Variants in CLDN10 observed in about 807,000 individuals in gnomAD.
CLDN10 encodes the protein claudin-10.
In CLDN10, 15 loss-of-function variants were observed where a neutral mutation model predicts 22.9. The observed-to-expected ratio is 0.65, with a 90% CI of 0.44 to 1.01. CLDN10 has a LOEUF of 1.01. Among genes scored for constraint, CLDN10 ranks in the 50% least tolerant of loss-of-function variants. The probability of loss-of-function intolerance (pLI) is 0.00; values close to 1 mark genes in which losing one functional copy is unlikely to be tolerated. For missense variants in CLDN10, 247 were observed against 287.8 expected (o/e 0.86, Z 1.03); for synonymous variants, 114 against 111.4 (o/e 1.02, Z -0.15).
At chr13:95,466,628 A>C (rs2042583461) in intron 1 of CLDN10, among the ~76,000 whole-genome samples, 1 of 152,198 alleles carries the variant, frequency 6.6e-6, no homozygotes, top group African/African-American at 2.4e-5. Flanking sequence ...AAAATCATAC[A>C]GCTTAGGAGG....
chr13:95,557,211 A>C (rs748237603), intron 1 of CLDN10, among the ~76,000 whole-genome samples: 9 of 152,250 alleles, frequency 5.9e-5, no homozygotes, highest in Non-Finnish European at 1.2e-4. Context: ...TAATGTGTTA[A>C]TTAGCTATTA....
At chr13:95,563,833 C>T (rs778171110) in intron 3 of CLDN10, among the ~76,000 whole-genome samples, 7 of 152,136 alleles carry the variant, frequency 4.6e-5, no homozygotes, top group South Asian at 4.2e-4. Flanking sequence ...ACTTGGTTTC[C>T]GTTTATCAAC....
intron 1 of CLDN10, among the ~76,000 whole-genome samples, chr13:95,512,284 G>T (rs1158625617): frequency 6.8e-6 from 1 of 146,322 alleles, no homozygotes. Context: ...TTGTTTGTTT[G>T]TGTTCTGTTT....
chr13:95,548,347 G>T, upstream of CLDN10, among the ~76,000 whole-genome samples: 1 of 152,156 alleles, frequency 6.6e-6, no homozygotes, highest in Non-Finnish European at 1.5e-5. Context: ...TGTTTCAAAT[G>T]AATGCATGAA....
chr13:95,507,866 A>G (rs947645678), intron 1 of CLDN10, among the ~76,000 whole-genome samples: 7 of 151,998 alleles, frequency 4.6e-5, no homozygotes, highest in African/African-American at 1.7e-4. Context: ...CAAGTGATCC[A>G]CCTGCCTCGG....
At chr13:95,574,335 A>T (rs1415407731) in intron 3 of CLDN10, among the ~76,000 whole-genome samples, 2 of 152,176 alleles carry the variant, frequency 1.3e-5, no homozygotes, top group East Asian at 3.8e-4. Context: ...TAAAAAAAAA[A>T]TGGGGTAGAT....
chr13:95,529,036 CTTG>C (rs746724488), intron 1 of CLDN10, among the ~76,000 whole-genome samples: 24 of 151,630 alleles, frequency 1.6e-4, no homozygotes, highest in African/African-American at 3.1e-4. Flanking sequence ...CAATGTTTTT[CTTG>C]TTGTTGTTGT....
intron 1 of CLDN10, among the ~76,000 whole-genome samples, chr13:95,474,330 G>A (rs957866109): frequency 3.3e-5 from 5 of 152,106 alleles, no homozygotes; most frequent in African/African-American, 4.8e-5. Flanking sequence ...GACAGGAGGC[G>A]GAGCTCAGGT....
At chr13:95,551,328 T>C (rs2043563879), upstream of CLDN10, among the ~76,000 whole-genome samples, 1 of 152,216 alleles carries the variant, frequency 6.6e-6, no homozygotes, top group Non-Finnish European at 1.5e-5. Flanking sequence ...TGCCATGCAC[T>C]GAACTGCTGG....
intron 1 of CLDN10, among the ~76,000 whole-genome samples, chr13:95,531,405 C>T (rs747190167): frequency 3.3e-5 from 5 of 152,076 alleles, no homozygotes; most frequent in African/African-American, 7.2e-5. Context: ...TTTAAAGAAG[C>T]CATAGGGCAT....
chr13:95,471,129 C>G (rs2042627111), intron 1 of CLDN10, among the ~76,000 whole-genome samples: 1 of 151,880 alleles, frequency 6.6e-6, no homozygotes, highest in South Asian at 2.1e-4. Flanking sequence ...TTCACTGTGA[C>G]CTGAAGGAAA....
Position 95,520,691 on chromosome 13 carries a change from G to T in CLDN10, c.215-39441G>T, listed in dbSNP as rs563616180. Reference sequence around the variant, plus strand: ...CCTGGACAAGTTCATGTTTTAAATTGTTTGGATGAGGGCGGGCGTGGTGGC... The same window carrying T: ...CCTGGACAAGTTCATGTTTTAAATTTTTTGGATGAGGGCGGGCGTGGTGGC... On this transcript the variant is annotated intron_variant, in intron 1 of 4. Transcript: ENST00000376873. Among the ~76,000 whole-genome samples the T allele has an allele frequency of 2.0e-5, 3 of 152,258 alleles. No homozygotes were observed. In the East Asian group the frequency reaches 5.8e-4, roughly 29 times the overall value.
At chr13:95,446,505 T>C (rs2042380385) in intron 1 of CLDN10, among the ~76,000 whole-genome samples, 1 of 152,244 alleles carries the variant, frequency 6.6e-6, no homozygotes, top group South Asian at 2.1e-4. Context: ...TATGTTATGT[T>C]AATGACATTC....
chr13:95,519,603 C>T (rs991661351), intron 1 of CLDN10, among the ~76,000 whole-genome samples: 6 of 152,188 alleles, frequency 3.9e-5, no homozygotes, highest in Admixed American at 2.0e-4. Context: ...TTTCACAATG[C>T]CATACAAGTA....
At chr13:95,463,873 C>T (rs2042560577) in intron 1 of CLDN10, among the ~76,000 whole-genome samples, 1 of 151,966 alleles carries the variant, frequency 6.6e-6, no homozygotes, top group Admixed American at 6.6e-5. Flanking sequence ...TTCTTTGTGC[C>T]ATTTATGGGT....
intron 1 of CLDN10, among the ~76,000 whole-genome samples, chr13:95,473,139 CAAAAAAAAA>C (rs765295179): frequency 1.7e-5 from 1 of 58,782 alleles, no homozygotes; most frequent in Admixed American, 2.0e-4. Context: ...AAACCTATCT[CAAAAAAAAA>C]AAAAAAAAAA....
intron 1 of CLDN10, among the ~76,000 whole-genome samples, chr13:95,449,224 A>T (rs1475262235): frequency 2.0e-5 from 3 of 152,176 alleles, no homozygotes; most frequent in Admixed American, 6.5e-5. Flanking sequence ...CGACCTAGTG[A>T]CTTAAACTCT....
chr13:95,470,183 A>ATTCT (rs2042616843), intron 1 of CLDN10, among the ~76,000 whole-genome samples: 1 of 152,214 alleles, frequency 6.6e-6, no homozygotes, highest in Non-Finnish European at 1.5e-5. Flanking sequence ...CTTACCAGAA[A>ATTCT]TATGCACAGG....
intron 1 of CLDN10, among the ~76,000 whole-genome samples, chr13:95,471,360 G>A (rs895498342): frequency 3.4e-5 from 5 of 145,854 alleles, no homozygotes; most frequent in Admixed American, 6.8e-5. Flanking sequence ...GGATATATAT[G>A]TGTGTGTGTG....
Sources: allele counts gnomAD v4.1 joint callset (sites outside exome capture counted in the v4.1 genomes callset), GRCh38; gene constraint gnomAD v4.1.1; transcripts MANE v1.5; gene names NCBI Gene and HGNC (gene_info 2026-07-23, HGNC 2026-07-21).